PLS1: variants seen among roughly 807,000 people sequenced by gnomAD.
PLS1 encodes plastin 1, also known as plastin-1.
In PLS1, 32 loss-of-function variants were observed where a neutral mutation model predicts 73.7. That is an observed-to-expected ratio of 0.43 (90% CI 0.33 to 0.58). PLS1 has a LOEUF of 0.58. PLS1 is among the 20% of genes least tolerant of loss of function. The pLI, the probability that PLS1 is intolerant of heterozygous loss-of-function variation, is 0.04. For synonymous variants in PLS1, 217 were observed against 261.3 expected, an observed-to-expected ratio of 0.83 and a Z score of 1.63; for missense variants, 633 against 740.5, an observed-to-expected ratio of 0.85 and a Z score of 1.68.
chr3:142,603,256 C>T (rs552937392), intron 1 of PLS1, among the ~76,000 whole-genome samples: 1 of 152,244 alleles, frequency 6.6e-6, no homozygotes, highest in African/African-American at 2.4e-5. Context: ...AGCATGGCTT[C>T]TGTAAAGGCA....
chr3:142,693,877 T>A (rs1029671663), intron 10 of PLS1, among the ~76,000 whole-genome samples: 2 of 152,182 alleles, frequency 1.3e-5, no homozygotes, highest in African/African-American at 2.4e-5. Context: ...GTATTTTCAG[T>A]AATGATAATC....
chr3:142,696,445 AG>A (rs2038205550), intron 11 of PLS1, among the ~76,000 whole-genome samples: 1 of 152,174 alleles, frequency 6.6e-6, no homozygotes, highest in South Asian at 2.1e-4. Flanking sequence ...GAAGAACAAT[AG>A]GTGGACATCT....
At chr3:142,680,171 C>G (rs2037818897) in intron 6 of PLS1, among the ~76,000 whole-genome samples, 1 of 152,178 alleles carries the variant, frequency 6.6e-6, no homozygotes, top group Non-Finnish European at 1.5e-5. Context: ...TCAAGTGATC[C>G]TCCAACCTCA....
intron 3 of PLS1, 98 bp from the exon 4 acceptor site, chr3:142,670,895 T>C (rs1162305434): frequency 1.3e-6 from 1 of 763,520 alleles, no homozygotes; most frequent in Non-Finnish European, 2.1e-6. Flanking sequence ...TAGTATTTAA[T>C]TTGGTGTCAT....
chr3:142,642,561 C>T (rs2036864717), intron 1 of PLS1, among the ~76,000 whole-genome samples: 1 of 152,172 alleles, frequency 6.6e-6, no homozygotes, highest in African/African-American at 2.4e-5. Context: ...GTTTTCACCC[C>T]ATCAGTGTGG....
At chr3:142,706,555 A>G (rs1229383743) in intron 14 of PLS1, among the ~76,000 whole-genome samples, 1 of 152,170 alleles carries the variant, frequency 6.6e-6, no homozygotes, top group Admixed American at 6.5e-5. Flanking sequence ...AATAAAGGAT[A>G]TTGAGTAAAG....
intron 8 of PLS1, among the ~76,000 whole-genome samples, chr3:142,685,271 G>A (rs564506874): frequency 1.3e-5 from 2 of 152,268 alleles, no homozygotes; most frequent in East Asian, 3.9e-4. Flanking sequence ...CTTTCTGAGG[G>A]GCATTATGCC....
chr3:142,676,033 G>T lies in PLS1; in HGVS notation c.365-124G>T, dbSNP rs1560063063. ...GTGTTTTAGTAGATTTGTAATAATG[G>T]TCAATTATTATCTTTGAGCAGAAAT... On this transcript the variant is annotated intron_variant, in intron 4 of 15. Coordinates refer to ENST00000457734, the MANE Select transcript of PLS1 (RefSeq NM_001145319.2). 4 of 763,646 alleles carry T rather than the reference G, an allele frequency of 5.2e-6. No individual in the cohort carries two copies. In the East Asian group the frequency reaches 1.1e-4, roughly 21 times the overall value. 47.3% of individuals were successfully genotyped at this position (763,646 alleles called of 1,614,324 possible). A position where few individuals can be genotyped will look rare whatever the true frequency, so the allele number is the denominator to read the frequency against.
rs1041407205 is a variant in PLS1, at chr3:142,596,415, C to G, written c.-131C>G. 3 of 152,316 alleles carry G rather than the reference C, an allele frequency of 2.0e-5. No homozygotes were observed. The highest frequency in any genetic ancestry group is 4.8e-5 in the African/African-American group (2 of 41,464). The allele number at this position is 152,316 out of a possible 1,614,324, so 9.4% of individuals were successfully genotyped here. On this transcript the variant is annotated 5_prime_UTR_variant, in exon 1 of 16. Transcript: ENST00000457734. ...CGCAGTGGCGCGAGCGCAGCGGCTA[C>G]GCGGGCGCGGAGAGGTAGCCGCAGA...
intron 12 of PLS1, 129 bp downstream of exon 12, chr3:142,698,196 T>C (rs778637166): frequency 3.6e-6 from 2 of 554,536 alleles, no homozygotes; most frequent in Non-Finnish European, 6.4e-6. Flanking sequence ...TTAAGCTTAA[T>C]AGCCTTTTTA....
chr3:142,600,897 TATA>T (rs2035904976), intron 1 of PLS1, among the ~76,000 whole-genome samples: 1 of 29,802 alleles, frequency 3.4e-5, no homozygotes, highest in African/African-American at 1.9e-4. Context: ...TATATATATA[TATA>T]TATATATATA....
chr3:142,667,969 A>G (rs1298377359), intron 2 of PLS1, among the ~76,000 whole-genome samples: 1 of 152,264 alleles, frequency 6.6e-6, no homozygotes, highest in Non-Finnish European at 1.5e-5. Context: ...GAAATATTCT[A>G]TCATTCTGAA....
intron 1 of PLS1, among the ~76,000 whole-genome samples, chr3:142,633,588 G>A (rs1471254867): frequency 3.3e-5 from 5 of 152,118 alleles, no homozygotes; most frequent in African/African-American, 9.7e-5. Flanking sequence ...CCTGGGAGGT[G>A]GAGGTTGCAG....
At chr3:142,676,431 A>G in intron 5 of PLS1, 142 bp downstream of exon 5, 1 of 787,832 alleles carries the variant, frequency 1.3e-6, no homozygotes, top group East Asian at 2.6e-5. Flanking sequence ...TGCATAGAAA[A>G]TGAACTACTG....
chr3:142,620,698 G>C (rs934974177), intron 1 of PLS1, among the ~76,000 whole-genome samples: 1 of 151,970 alleles, frequency 6.6e-6, no homozygotes, highest in African/African-American at 2.4e-5. Flanking sequence ...AAATACTTAC[G>C]CCTCAAATAT....
intron 9 of PLS1, among the ~76,000 whole-genome samples, chr3:142,687,478 TATA>T (rs2037995671): frequency 6.6e-6 from 1 of 152,216 alleles, no homozygotes; most frequent in Non-Finnish European, 1.5e-5. Flanking sequence ...CTCACATTAT[TATA>T]ATGACATATT....
At position 142,641,176 on chromosome 3, in the gene PLS1, T is replaced by A. The variant is rs972868930; in HGVS notation, c.-36-23026T>A. On this transcript the variant is annotated intron_variant, in intron 1 of 15. Transcript: ENST00000457734. ...AGAGTGATTATATATATATATATAT[T>A]ATATATATATATAATCTGTCTATAT... Among the ~76,000 whole-genome samples, 20 of 126,328 alleles carry A rather than the reference T, an allele frequency of 1.6e-4. 1 individual carries two copies. Among genetic ancestry groups the A allele is most frequent in the South Asian group, 7.0e-4 (3 of 4,288 alleles). 82.9% of individuals were successfully genotyped at this position (126,328 alleles called of 152,430 possible). A position where few individuals can be genotyped will look rare whatever the true frequency, so the allele number is the denominator to read the frequency against.
chr3:142,703,769 GTCA>G, intron 12 of PLS1, 96 bp from the exon 13 acceptor site: 1 of 672,080 alleles, frequency 1.5e-6, no homozygotes, highest in Non-Finnish European at 2.6e-6. Context: ...AATTTAAGGT[GTCA>G]TCATAATTGT....
At chr3:142,637,581 C>G (rs964461896) in intron 1 of PLS1, among the ~76,000 whole-genome samples, 9 of 152,074 alleles carry the variant, frequency 5.9e-5, no homozygotes, top group Non-Finnish European at 1.0e-4. Flanking sequence ...GAAAAATGAT[C>G]ATGAAAAGCT....
Sources: allele counts gnomAD v4.1 joint callset (sites outside exome capture counted in the v4.1 genomes callset), GRCh38; gene constraint gnomAD v4.1.1; transcripts MANE v1.5; gene names NCBI Gene and HGNC (gene_info 2026-07-23, HGNC 2026-07-21).